Variants in ATP10B observed in about 807,000 individuals in gnomAD.
ATP10B encodes the protein ATPase phospholipid transporting 10B (putative).
A neutral mutation model predicts 141.2 loss-of-function variants in ATP10B; 122 were observed. The ratio of observed to expected loss-of-function variants is 0.86; its 90% CI spans 0.75 to 1.00. ATP10B has a LOEUF of 1.00. Among genes scored for constraint, ATP10B ranks in the 50% least tolerant of loss-of-function variants. ATP10B has a pLI of 0.00. For missense variants in ATP10B, 1,876 were observed against 1,825.3 expected (o/e 1.03, Z -0.51); for synonymous variants, 685 against 692.0 (o/e 0.99, Z 0.16).
At chr5:160,608,789 T>C (rs532860910) in intron 18 of ATP10B, among the ~76,000 whole-genome samples, 6 of 152,356 alleles carry the variant, frequency 3.9e-5, no homozygotes, top group African/African-American at 1.4e-4. Context: ...TTGATTTTTT[T>C]CCTGTAAATT....
At chr5:160,851,190 C>T (rs1231227872) in intron 1 of ATP10B, among the ~76,000 whole-genome samples, 2 of 152,162 alleles carry the variant, frequency 1.3e-5, no homozygotes, top group Admixed American at 6.5e-5. Flanking sequence ...CAGAGAAAAA[C>T]CAAGTTCCAC....
intron 16 of ATP10B, 83 bp downstream of exon 16, chr5:160,617,781 C>A (rs893935798): frequency 3.3e-6 from 4 of 1,223,756 alleles, no homozygotes; most frequent in African/African-American, 1.5e-5. Context: ...CTCTAAGGGT[C>A]TTTTATAAAG....
chr5:160,822,596 A>G (rs1453669249), intron 1 of ATP10B, among the ~76,000 whole-genome samples: 2 of 152,150 alleles, frequency 1.3e-5, no homozygotes. Context: ...AATAGGTAAG[A>G]TTGGGAAGCC....
chr5:160,921,832 C>G, the ATP10B span, among the ~76,000 whole-genome samples: 1 of 152,208 alleles, frequency 6.6e-6, no homozygotes, highest in African/African-American at 2.4e-5. Flanking sequence ...CGCAGGAGAG[C>G]AAAGATGGCT....
chr5:160,634,798 C>T (rs945288433), intron 11 of ATP10B, among the ~76,000 whole-genome samples, 192 bp from the exon 12 acceptor site: 8 of 152,222 alleles, frequency 5.3e-5, no homozygotes, highest in Non-Finnish European at 5.9e-5. Context: ...ACAGGTATGT[C>T]TTCTTTGACC....
intron 22 of ATP10B, among the ~76,000 whole-genome samples, chr5:160,593,107 GCCT>G (rs1358764155): frequency 2.0e-5 from 3 of 152,256 alleles, no homozygotes; most frequent in East Asian, 1.9e-4. Context: ...TGGGCAGACT[GCCT>G]CCTCAAGTGG....
At chr5:160,724,485 A>G (rs961961301) in intron 2 of ATP10B, among the ~76,000 whole-genome samples, 1 of 152,108 alleles carries the variant, frequency 6.6e-6, no homozygotes, top group South Asian at 2.1e-4. Context: ...TTGGCTTCCT[A>G]TATGTTTGGA....
chr5:160,761,388 TCGCCAGCACCAGCC>T (rs1769026457), intron 2 of ATP10B, among the ~76,000 whole-genome samples: 1 of 26,558 alleles, frequency 3.8e-5, no homozygotes, highest in Non-Finnish European at 6.5e-5. Flanking sequence ...TTGTAGACAT[TCGCCAGCACCAGCC>T]TACATTCGCC....
chr5:160,630,963 G>A (rs1758890103), intron 13 of ATP10B, among the ~76,000 whole-genome samples: 1 of 152,186 alleles, frequency 6.6e-6, no homozygotes, highest in Non-Finnish European at 1.5e-5. Flanking sequence ...TAGCAATATG[G>A]AAAATGTTTT....
chr5:160,715,409 C>T (rs1329245428), intron 3 of ATP10B, among the ~76,000 whole-genome samples: 115 of 143,838 alleles, frequency 8.0e-4, no homozygotes, highest in Non-Finnish European at 5.2e-4. Flanking sequence ...TTCTTTGACT[C>T]GGAAAGGGAA....
At chr5:160,595,453 T>C (rs1260179203) in intron 22 of ATP10B, among the ~76,000 whole-genome samples, 3 of 151,566 alleles carry the variant, frequency 2.0e-5, no homozygotes, top group East Asian at 1.9e-4. Context: ...AGATCTAAAA[T>C]TGACACCCTA....
intron 1 of ATP10B, among the ~76,000 whole-genome samples, chr5:160,826,574 A>G (rs1774618429): frequency 1.3e-5 from 2 of 152,246 alleles, no homozygotes; most frequent in East Asian, 3.9e-4. Context: ...ACAGAATAAC[A>G]GCGATTTTTA....
intron 24 of ATP10B, among the ~76,000 whole-genome samples, chr5:160,573,857 C>T (rs73304650): frequency 0.011 from 1,660 of 152,128 alleles, 28 homozygotes; most frequent in African/African-American, 0.038. Context: ...ATGAACAGGC[C>T]GCAACTTATT....
chr5:160,569,935 C>G (rs972615155), intron 24 of ATP10B, among the ~76,000 whole-genome samples: 15 of 152,070 alleles, frequency 9.9e-5, no homozygotes, highest in Non-Finnish European at 1.8e-4. Flanking sequence ...CTATGCTATC[C>G]TTTGTAGGTT....
At chr5:160,780,464 G>GTA (rs1408534221) in intron 2 of ATP10B, among the ~76,000 whole-genome samples, 3 of 152,162 alleles carry the variant, frequency 2.0e-5, no homozygotes, top group Non-Finnish European at 2.9e-5. Flanking sequence ...CTCTAAGGTA[G>GTA]TATGTTCAGA....
At chr5:160,726,433 A>AGT (rs1423329813) in intron 2 of ATP10B, among the ~76,000 whole-genome samples, 1 of 152,182 alleles carries the variant, frequency 6.6e-6, no homozygotes, top group Non-Finnish European at 1.5e-5. Flanking sequence ...GTCATTACAA[A>AGT]GTGTGAGTCC....
At chr5:160,598,672 G>A in intron 22 of ATP10B, 98 bp downstream of exon 22, 1 of 1,101,348 alleles carries the variant, frequency 9.1e-7, no homozygotes, top group South Asian at 1.5e-5. Flanking sequence ...GCAGGCTTCT[G>A]ACCCCAGCAT....
At chr5:160,615,109 A>G (rs1057240618) in intron 17 of ATP10B, among the ~76,000 whole-genome samples, 1 of 152,138 alleles carries the variant, frequency 6.6e-6, no homozygotes, top group African/African-American at 2.4e-5. Context: ...CAGTTTTTGT[A>G]AAGCACAGAT....
the ATP10B span, among the ~76,000 whole-genome samples, chr5:160,920,528 C>T: frequency 1.3e-5 from 2 of 152,218 alleles, no homozygotes; most frequent in Non-Finnish European, 2.9e-5. Context: ...TGAAGAAGCA[C>T]ATGGAACTTA....
Sources: allele counts gnomAD v4.1 joint callset (sites outside exome capture counted in the v4.1 genomes callset), GRCh38; gene constraint gnomAD v4.1.1; transcripts MANE v1.5; gene names NCBI Gene and HGNC (gene_info 2026-07-23, HGNC 2026-07-21).